TRAPPC9: variants seen among roughly 807,000 people sequenced by gnomAD.
The protein encoded by TRAPPC9 is IKK2 binding protein.
A neutral mutation model predicts 124.0 loss-of-function variants in TRAPPC9; 83 were observed. The ratio of observed to expected loss-of-function variants is 0.67; its 90% CI spans 0.56 to 0.80. The LOEUF is 0.80. TRAPPC9 is among the 30% of genes least tolerant of loss of function. The pLI, the probability that TRAPPC9 is intolerant of heterozygous loss-of-function variation, is 0.00. For missense variants in TRAPPC9, 1,302 were observed against 1,508.3 expected, an observed-to-expected ratio of 0.86 and a Z score of 2.27; for synonymous variants, 638 against 617.5, an observed-to-expected ratio of 1.03 and a Z score of -0.49.
chr8:140,296,092 G>A (rs1563924455), intron 11 of TRAPPC9, among the ~76,000 whole-genome samples: 2 of 152,086 alleles, frequency 1.3e-5, no homozygotes, highest in South Asian at 2.1e-4. Flanking sequence ...TATCTGACCT[G>A]GGGCAGGTAC....
chr8:140,280,247 C>T (rs935904809), intron 14 of TRAPPC9, among the ~76,000 whole-genome samples: 3 of 152,182 alleles, frequency 2.0e-5, no homozygotes, highest in Non-Finnish European at 4.4e-5. Flanking sequence ...CGTCCAGGCC[C>T]GGGAAGTCCT....
chr8:140,376,091 T>C lies in TRAPPC9; in HGVS notation c.1135-4911A>G, dbSNP rs183592136. On this transcript the variant is annotated intron_variant, in intron 7 of 22. Coordinates refer to ENST00000438773, the MANE Select transcript of TRAPPC9 (RefSeq NM_001160372.4). The stretch of plus-strand genomic sequence containing the variant: ...TATCCCGGAGTAGGGGTATGAGGCA[T>C]GCACCAAGGATTTTCCTTTATAAAG... Among the ~76,000 whole-genome samples, 215 of 152,340 alleles carry C rather than the reference T, an allele frequency of 1.4e-3. 1 individual carries two copies. The highest frequency in any genetic ancestry group is 5.0e-3 in the African/African-American group (207 of 41,580).
rs59105329 is a variant in TRAPPC9, at chr8:140,252,540, G to A, written c.2431+237C>T. 1,770 of 499,028 alleles carry A rather than the reference G, an allele frequency of 3.5e-3. 32 individuals carry two copies. The highest frequency in any genetic ancestry group is 0.029 in the African/African-American group (1,528 of 51,920). 30.9% of individuals were successfully genotyped at this position (499,028 alleles called of 1,614,324 possible). ...AATTTAGAATGACCTGCTGGTAAAT[G>A]AGTACAAAATAATAAAGAGTGAGAA... On this transcript the variant is annotated intron_variant, in intron 16 of 22. Transcript: ENST00000438773. This position sits in a 1 kb window ranked among gnomAD's most constrained non-coding sequence, Gnocchi z 4.2.
chr8:139,909,907 A>C (rs1831603577), intron 20 of TRAPPC9, among the ~76,000 whole-genome samples: 1 of 152,176 alleles, frequency 6.6e-6, no homozygotes, highest in East Asian at 1.9e-4. Flanking sequence ...CAAAGACGAG[A>C]GCACCACCGG....
At chr8:140,062,706 G>A (rs60303002) in intron 17 of TRAPPC9, among the ~76,000 whole-genome samples, 1 of 152,218 alleles carries the variant, frequency 6.6e-6, no homozygotes, top group African/African-American at 2.4e-5. Context: ...CCTATGGGGA[G>A]CACAAACCTA....
At chr8:139,871,503 T>C (rs1828898410) in intron 21 of TRAPPC9, among the ~76,000 whole-genome samples, 1 of 152,246 alleles carries the variant, frequency 6.6e-6, no homozygotes, top group South Asian at 2.1e-4. Flanking sequence ...GCACACCAGT[T>C]GGCCTAATGC....
intron 21 of TRAPPC9, among the ~76,000 whole-genome samples, chr8:139,738,477 C>T (rs1818345601): frequency 2.0e-5 from 3 of 152,148 alleles, no homozygotes; most frequent in African/African-American, 7.2e-5. Flanking sequence ...GGCCCAATGG[C>T]GTCAGGAGAG....
chr8:139,775,182 C>A (rs1426069775), intron 21 of TRAPPC9, among the ~76,000 whole-genome samples: 1 of 152,130 alleles, frequency 6.6e-6, no homozygotes, highest in Non-Finnish European at 1.5e-5. Context: ...CCCAGGGGCT[C>A]ACAGGGCCAT....
chr8:139,842,684 C>T (rs1195026391), intron 21 of TRAPPC9, among the ~76,000 whole-genome samples: 1 of 152,122 alleles, frequency 6.6e-6, no homozygotes, highest in African/African-American at 2.4e-5. Flanking sequence ...GGGGGCGGGC[C>T]TGTGGCACAG....
At chr8:139,969,678 G>C (rs978146497) in intron 19 of TRAPPC9, among the ~76,000 whole-genome samples, 5 of 152,242 alleles carry the variant, frequency 3.3e-5, no homozygotes, top group African/African-American at 1.2e-4. Flanking sequence ...GCAAATGTCA[G>C]TGGGATGCCG....
intron 21 of TRAPPC9, among the ~76,000 whole-genome samples, chr8:139,797,316 G>A (rs1478726905): frequency 6.6e-6 from 1 of 152,170 alleles, no homozygotes; most frequent in African/African-American, 2.4e-5. Flanking sequence ...CTGGAGTGCA[G>A]TGGCGTGATC....
chr8:140,443,539 G>A (rs1175038750), intron 2 of TRAPPC9, among the ~76,000 whole-genome samples: 7 of 152,078 alleles, frequency 4.6e-5, no homozygotes, highest in Admixed American at 1.3e-4. Flanking sequence ...CGTGCCTGAT[G>A]TAAATACAGT....
intron 17 of TRAPPC9, among the ~76,000 whole-genome samples, chr8:140,058,851 C>G (rs938371074): frequency 4.6e-5 from 7 of 152,096 alleles, no homozygotes; most frequent in African/African-American, 1.7e-4. Context: ...AGCTGGGAGC[C>G]GAGTCAGGAG....
chr8:139,970,181 C>T (rs972493259), intron 19 of TRAPPC9, among the ~76,000 whole-genome samples: 2 of 152,186 alleles, frequency 1.3e-5, no homozygotes, highest in African/African-American at 4.8e-5. Context: ...GAAACAGGCG[C>T]CAGCGATGCC....
chr8:140,241,865 A>G lies in TRAPPC9; in HGVS notation c.2431+10912T>C, dbSNP rs541349078. 6.6e-6 allele frequency among the ~76,000 whole-genome samples: 1 copy of G among 152,270 alleles called. No homozygotes were observed. Among genetic ancestry groups the G allele is most frequent in the East Asian group, 1.9e-4 (1 of 5,180 alleles). ...GTCCCTCACTTGCTTAACGTATGCCAAGAAGCTGCTCTGACCAGGCCTCAC... is the reference window on the plus strand; with the variant it reads ...GTCCCTCACTTGCTTAACGTATGCCGAGAAGCTGCTCTGACCAGGCCTCAC... On this transcript the variant is annotated intron_variant, in intron 16 of 22. Transcript: ENST00000438773. The surrounding 1 kb of genome is among the most constrained non-coding windows in gnomAD (Gnocchi z 5.0).
intron 17 of TRAPPC9, among the ~76,000 whole-genome samples, chr8:140,047,176 C>G (rs940280783): frequency 2.0e-5 from 3 of 152,246 alleles, no homozygotes; most frequent in Admixed American, 6.5e-5. Context: ...TATAGCTCCT[C>G]AGACTCCAGG....
At chr8:139,839,718 G>A (rs866884611) in intron 21 of TRAPPC9, among the ~76,000 whole-genome samples, 2 of 152,148 alleles carry the variant, frequency 1.3e-5, no homozygotes, top group Non-Finnish European at 2.9e-5. Flanking sequence ...CTGAAATGCC[G>A]CTGCCTCCAG....
chr8:139,808,321 C>T (rs1236965528), intron 21 of TRAPPC9, among the ~76,000 whole-genome samples: 1 of 151,994 alleles, frequency 6.6e-6, no homozygotes, highest in Non-Finnish European at 1.5e-5. Context: ...ATTAGCCGGG[C>T]GTGGTGGTGC....
At chr8:139,902,244 C>T (rs1281682564) in intron 20 of TRAPPC9, among the ~76,000 whole-genome samples, 2 of 152,192 alleles carry the variant, frequency 1.3e-5, no homozygotes, top group African/African-American at 4.8e-5. Flanking sequence ...TGTGTCAAAC[C>T]CCGGCCACTT....
Sources: allele counts gnomAD v4.1 joint callset (sites outside exome capture counted in the v4.1 genomes callset), GRCh38; gene constraint gnomAD v4.1.1; non-coding constraint Gnocchi (gnomAD v3.1); transcripts MANE v1.5; gene names NCBI Gene and HGNC (gene_info 2026-07-23, HGNC 2026-07-21).